Variants in FRS2 observed in about 807,000 individuals in gnomAD.
The protein encoded by FRS2 is fibroblast growth factor receptor substrate 2, also known as FGFR signalling adaptor.
In FRS2, 8 loss-of-function variants were observed where a neutral mutation model predicts 43.9. The observed-to-expected ratio is 0.18, with a 90% confidence interval of 0.11 to 0.33. The LOEUF is 0.33. Among genes scored for constraint, FRS2 ranks in the 10% least tolerant of loss-of-function variants. FRS2 has a pLI of 1.00. For synonymous variants in FRS2, 219 were observed against 220.3 expected, an observed-to-expected ratio of 0.99 and a Z score of 0.05; for missense variants, 534 against 627.6, an observed-to-expected ratio of 0.85 and a Z score of 1.59.
At chr12:69,539,241 A>T (rs1416381443) in intron 3 of FRS2, among the ~76,000 whole-genome samples, 1 of 151,850 alleles carries the variant, frequency 6.6e-6, no homozygotes. Context: ...TGCCTGGCAA[A>T]TTTTTTGTAT....
chr12:69,515,336 A>T (rs561598115), intron 1 of FRS2, among the ~76,000 whole-genome samples: 32 of 152,312 alleles, frequency 2.1e-4, no homozygotes, highest in South Asian at 1.0e-3. Context: ...TTCTGGCTTT[A>T]ATTTTTTCTA....
chr12:69,572,916 C>T (rs1880881902), intron 8 of FRS2, among the ~76,000 whole-genome samples: 1 of 152,194 alleles, frequency 6.6e-6, no homozygotes, highest in Admixed American at 6.5e-5. Flanking sequence ...CTGCAACCTC[C>T]ACCTCCCGGG....
At chr12:69,545,730 T>G (rs1160136639) in intron 3 of FRS2, among the ~76,000 whole-genome samples, 2 of 127,362 alleles carry the variant, frequency 1.6e-5, no homozygotes, top group Non-Finnish European at 3.1e-5. Flanking sequence ...CACTCCAGCC[T>G]GGGCGACAGT....
intron 1 of FRS2, among the ~76,000 whole-genome samples, chr12:69,510,576 A>G (rs1187640235): frequency 2.0e-5 from 3 of 152,154 alleles, no homozygotes; most frequent in Admixed American, 2.0e-4. Context: ...ACTAATGTCC[A>G]CTGAAAGCTG....
In FRS2 at chr12:69,577,398, A is replaced by C. The variant is rs1881262615; in HGVS notation, c.*2443A>C. The C allele has an allele frequency of 6.6e-6, 1 of 152,198 alleles. No individual in the cohort carries two copies. The highest frequency in any genetic ancestry group is 2.1e-4 in the South Asian group (1 of 4,834). The allele number at this position is 152,198 out of a possible 1,614,324, so 9.4% of individuals were successfully genotyped here. A position where few individuals can be genotyped will look rare whatever the true frequency, so the allele number is the denominator to read the frequency against. On this transcript the variant is annotated 3_prime_UTR_variant, in exon 9 of 9. Coordinates refer to ENST00000549921, the MANE Select transcript of FRS2 (RefSeq NM_001278356.2). The stretch of plus-strand genomic sequence containing the variant: ...CCTTTGCAGTAGTTTAGTAATGGGC[A>C]TTAAGCTGTGTCCTCGAAGGATGTA...
At chr12:69,554,150 C>T (rs1481749529) in intron 3 of FRS2, among the ~76,000 whole-genome samples, 1 of 152,160 alleles carries the variant, frequency 6.6e-6, no homozygotes, top group Non-Finnish European at 1.5e-5. Context: ...CTTTTGGGCT[C>T]TGCTTAGACA....
intron 1 of FRS2, among the ~76,000 whole-genome samples, chr12:69,488,237 G>A (rs1394346476): frequency 2.0e-5 from 3 of 152,168 alleles, no homozygotes; most frequent in Non-Finnish European, 4.4e-5. Flanking sequence ...GAAATCTTTT[G>A]TGAAAGGAAG....
chr12:69,487,601 A>G (rs1941736589), intron 1 of FRS2, among the ~76,000 whole-genome samples: 1 of 152,220 alleles, frequency 6.6e-6, no homozygotes, highest in African/African-American at 2.4e-5. Context: ...TGTTGTTTTC[A>G]TGCCTACTAA....
rs781415276 is a variant in FRS2, at chr12:69,576,112, T to C, written c.*1157T>C. ...AACTGAGAAAAAAAGGAAGCTACTT[T>C]TAACATGCAAAGTTCCCTCAAGGTG... On this transcript the variant is annotated 3_prime_UTR_variant, in exon 9 of 9. Transcript: ENST00000549921. The C allele has an allele frequency of 6.6e-6, 1 of 152,620 alleles. No individual in the cohort carries two copies. The highest frequency in any genetic ancestry group is 1.5e-5 in the Non-Finnish European group (1 of 68,026). The allele number at this position is 152,620 out of a possible 1,614,324, so 9.5% of individuals were successfully genotyped here. A position where few individuals can be genotyped will look rare whatever the true frequency, so the allele number is the denominator to read the frequency against.
intron 1 of FRS2, among the ~76,000 whole-genome samples, chr12:69,502,015 G>C (rs1331903555): frequency 6.6e-6 from 1 of 151,980 alleles, no homozygotes; most frequent in Non-Finnish European, 1.5e-5. Context: ...ACCCAGGCTG[G>C]AGTGCAGTGG....
intron 1 of FRS2, among the ~76,000 whole-genome samples, chr12:69,506,886 T>G (rs1021158876): frequency 6.6e-6 from 1 of 152,188 alleles, no homozygotes; most frequent in Non-Finnish European, 1.5e-5. Flanking sequence ...ATGAATAGAT[T>G]AATACATTCA....
intron 3 of FRS2, among the ~76,000 whole-genome samples, chr12:69,545,480 C>T (rs184139203): frequency 2.6e-5 from 4 of 152,006 alleles, no homozygotes; most frequent in African/African-American, 9.6e-5. Context: ...AGAAATAGAC[C>T]GATGTTGTGG....
intron 1 of FRS2, among the ~76,000 whole-genome samples, chr12:69,494,047 A>G (rs1001296365): frequency 1.3e-5 from 2 of 152,188 alleles, no homozygotes; most frequent in African/African-American, 4.8e-5. Flanking sequence ...GCTTCTTTTC[A>G]GAATTTTTCC....
At chr12:69,550,975 C>T (rs578186188) in intron 3 of FRS2, among the ~76,000 whole-genome samples, 10 of 152,042 alleles carry the variant, frequency 6.6e-5, no homozygotes, top group South Asian at 2.1e-4. Flanking sequence ...GAGAGTATGA[C>T]GGAATAAAAC....
At chr12:69,516,248 C>T (rs1481014096) in intron 1 of FRS2, among the ~76,000 whole-genome samples, 3 of 145,152 alleles carry the variant, frequency 2.1e-5, no homozygotes, top group Middle Eastern at 3.6e-3. Flanking sequence ...GACGGAGTTT[C>T]GCTCTTGTTG....
chr12:69,501,018 TTTG>T (rs1695577537), intron 1 of FRS2, among the ~76,000 whole-genome samples: 1 of 152,202 alleles, frequency 6.6e-6, no homozygotes, highest in Non-Finnish European at 1.5e-5. Context: ...ATAATAGTAC[TTTG>T]TTGTTTTCTA....
intron 1 of FRS2, among the ~76,000 whole-genome samples, chr12:69,489,036 T>G (rs1872214305): frequency 6.6e-6 from 1 of 152,186 alleles, no homozygotes; most frequent in African/African-American, 2.4e-5. Flanking sequence ...TGAATTATTA[T>G]TCCTCTTTCC....
intron 3 of FRS2, among the ~76,000 whole-genome samples, chr12:69,534,476 AC>A (rs1877087649): frequency 6.6e-6 from 1 of 151,894 alleles, no homozygotes; most frequent in Non-Finnish European, 1.5e-5. Flanking sequence ...TGAAAGGAAA[AC>A]CTCTCCTCTC....
intron 1 of FRS2, among the ~76,000 whole-genome samples, chr12:69,492,716 A>G (rs1279098354): frequency 6.6e-6 from 1 of 152,168 alleles, no homozygotes; most frequent in Non-Finnish European, 1.5e-5. Context: ...GAAAACATAC[A>G]CAAAAGCTCT....
Sources: gnomAD v4.1 joint callset for allele counts (sites outside exome capture counted in the v4.1 genomes callset) on GRCh38, gnomAD v4.1.1 for gene constraint, MANE v1.5 for transcripts, NCBI Gene and HGNC (gene_info 2026-07-23, HGNC 2026-07-21) for gene names.